The following DTD1 variants were observed in gnomAD, a reference collection of about 807,000 sequenced individuals.
DTD1 encodes the protein D-aminoacyl-tRNA deacylase 1.
DTD1 carries 13 observed loss-of-function variants against 25.6 expected under a neutral mutation model. That is an observed-to-expected ratio of 0.51 (90% CI 0.33 to 0.81). The LOEUF (loss-of-function observed/expected upper bound fraction) is 0.81. Among genes scored for constraint, DTD1 ranks in the 30% least tolerant of loss-of-function variants. DTD1 has a pLI of 0.02. For missense variants in DTD1, 193 were observed against 266.4 expected, an observed-to-expected ratio of 0.72 and a Z score of 1.92; for synonymous variants, 110 against 103.6, an observed-to-expected ratio of 1.06 and a Z score of -0.37.
At chr20:18,734,370 G>T (rs576989676) in intron 4 of DTD1, among the ~76,000 whole-genome samples, 1 of 152,342 alleles carries the variant, frequency 6.6e-6, no homozygotes, top group Non-Finnish European at 1.5e-5. Flanking sequence ...TTGACACATG[G>T]TCATTGGGCT....
chr20:18,588,730 T>C (rs1450829014), intron 1 of DTD1: 1 of 984,716 alleles, frequency 1.0e-6, no homozygotes, highest in Non-Finnish European at 1.2e-6. Flanking sequence ...CGCGGAGGGG[T>C]CGGGATCTAA....
At position 18,755,414 on chromosome 20, in the gene DTD1, C is replaced by A. The variant is rs553640791; in HGVS notation, c.*20-7946C>A. Among the ~76,000 whole-genome samples the A allele has an allele frequency of 4.6e-5, 7 of 152,216 alleles. No homozygotes were observed. The East Asian group carries it at 1.3e-3, about 29-fold the overall frequency. On this transcript the variant is annotated intron_variant, in intron 5 of 5. Transcript: ENST00000377452. ...AGGTATATCTCCTAATGCTATCCCT[C>A]CCCTCTCCCCCGACCCCACAACAGG...
chr20:18,724,912 T>A (rs900631159), intron 4 of DTD1, among the ~76,000 whole-genome samples: 2 of 152,238 alleles, frequency 1.3e-5, no homozygotes, highest in Admixed American at 1.3e-4. Flanking sequence ...GCATGCCCCC[T>A]CTTTTGTTCT....
At chr20:18,746,647 A>T (rs1368531581) in intron 5 of DTD1, among the ~76,000 whole-genome samples, 1 of 152,204 alleles carries the variant, frequency 6.6e-6, no homozygotes, top group Non-Finnish European at 1.5e-5. Context: ...GTGAGCCATG[A>T]TTGCAGCACT....
chr20:18,698,633 T>C (rs1226148534), intron 4 of DTD1: 3 of 152,254 alleles, frequency 2.0e-5, no homozygotes, highest in Non-Finnish European at 4.4e-5. Flanking sequence ...TGGTCATCCA[T>C]GTCCAGCCCT....
chr20:18,628,523 C>A (rs1245944744), intron 4 of DTD1, among the ~76,000 whole-genome samples: 3 of 152,132 alleles, frequency 2.0e-5, no homozygotes, highest in African/African-American at 7.2e-5. Flanking sequence ...TGCCGTGGCG[C>A]CCACCTGCCC....
chr20:18,640,841 G>C (rs1360715096), intron 4 of DTD1, among the ~76,000 whole-genome samples: 2 of 152,020 alleles, frequency 1.3e-5, no homozygotes, highest in Non-Finnish European at 1.5e-5. Context: ...ATGTTGGCCA[G>C]GCTGATCTCA....
chr20:18,697,066 C>G (rs1054534107), intron 4 of DTD1, among the ~76,000 whole-genome samples: 1 of 151,694 alleles, frequency 6.6e-6, no homozygotes, highest in Non-Finnish European at 1.5e-5. Context: ...CCCGCCTCTA[C>G]TAAAAATACA....
intron 4 of DTD1, among the ~76,000 whole-genome samples, chr20:18,708,365 T>TA (rs1308518193): frequency 3.0e-5 from 3 of 99,750 alleles, no homozygotes; most frequent in East Asian, 2.6e-4. Flanking sequence ...TATATATATA[T>TA]TTTTTTTTGA....
intron 4 of DTD1, chr20:18,643,425 C>T (rs559897271): frequency 3.6e-5 from 8 of 220,206 alleles, no homozygotes; most frequent in Non-Finnish European, 5.8e-5. Context: ...CCTAGCTCTT[C>T]GATTCTGAAA....
intron 3 of DTD1, among the ~76,000 whole-genome samples, chr20:18,625,300 A>G (rs2060752678): frequency 6.6e-6 from 1 of 152,288 alleles, no homozygotes; most frequent in Non-Finnish European, 1.5e-5. Context: ...TAATACACCC[A>G]TTTGCTGACA....
intron 4 of DTD1, among the ~76,000 whole-genome samples, chr20:18,681,024 A>G (rs146154372): frequency 2.0e-5 from 3 of 152,338 alleles, no homozygotes; most frequent in Non-Finnish European, 2.9e-5. Flanking sequence ...GTCCTTTTCT[A>G]TAAGTCAACA....
chr20:18,662,159 A>G (rs2060914083), intron 4 of DTD1, among the ~76,000 whole-genome samples: 1 of 152,216 alleles, frequency 6.6e-6, no homozygotes, highest in Admixed American at 6.5e-5. Flanking sequence ...TTCTTAAAAA[A>G]AAGTTGTGAA....
intron 4 of DTD1, among the ~76,000 whole-genome samples, chr20:18,734,757 C>T (rs964157489): frequency 1.3e-5 from 2 of 152,186 alleles, no homozygotes; most frequent in Non-Finnish European, 2.9e-5. Context: ...GTTTAAGTGA[C>T]TTGACAAAAA....
intron 4 of DTD1, among the ~76,000 whole-genome samples, chr20:18,635,548 C>G (rs1249401252): frequency 6.6e-6 from 1 of 152,044 alleles, no homozygotes; most frequent in East Asian, 1.9e-4. Context: ...AGCTCCTGAC[C>G]TCACTCAGCC....
At chr20:18,740,153 G>T (rs2061271387) in intron 4 of DTD1, among the ~76,000 whole-genome samples, 1 of 151,882 alleles carries the variant, frequency 6.6e-6, no homozygotes, top group South Asian at 2.1e-4. Context: ...TGCTAATTGG[G>T]GTTACTCCCC....
chr20:18,610,755 C>CA (rs2060683354), intron 3 of DTD1, among the ~76,000 whole-genome samples: 3 of 151,910 alleles, frequency 2.0e-5, no homozygotes, highest in Non-Finnish European at 4.4e-5. Flanking sequence ...ACAAAAAATG[C>CA]AAAAAAATTA....
intron 5 of DTD1, among the ~76,000 whole-genome samples, chr20:18,759,477 T>G (rs1028342274): frequency 2.1e-4 from 32 of 152,242 alleles, no homozygotes; most frequent in African/African-American, 7.5e-4. Context: ...AGTATTTTAT[T>G]TCTCCTTCAC....
chr20:18,631,569 T>G, intron 4 of DTD1: 2 of 985,444 alleles, frequency 2.0e-6, no homozygotes, highest in Non-Finnish European at 2.4e-6. Flanking sequence ...TGTCCTTGGG[T>G]CTGTAAAGGT....
Sources: gnomAD v4.1 joint callset for allele counts (sites outside exome capture counted in the v4.1 genomes callset) on GRCh38, gnomAD v4.1.1 for gene constraint, MANE v1.5 for transcripts, NCBI Gene and HGNC (gene_info 2026-07-23, HGNC 2026-07-21) for gene names.